SCARB1: variants seen among roughly 807,000 people sequenced by gnomAD.
SCARB1 encodes CD36 and LIMPII analogous 1.
Under a neutral mutation model 57.2 loss-of-function variants are expected in SCARB1, and 30 were observed. The observed-to-expected ratio is 0.52, with a 90% CI of 0.39 to 0.71. The LOEUF (loss-of-function observed/expected upper bound fraction) is 0.71, where lower values mean the gene tolerates loss of function less well. Ranked by LOEUF, SCARB1 falls within the 30% of genes least tolerant of loss-of-function variation. SCARB1 has a pLI of 0.00. For synonymous variants in SCARB1, 249 were observed against 268.3 expected, an observed-to-expected ratio of 0.93 and a Z score of 0.70; for missense variants, 543 against 671.2, an observed-to-expected ratio of 0.81 and a Z score of 2.11.
At position 124,814,031 on chromosome 12, in the gene SCARB1, C is replaced by T. The variant is rs1453312482; in HGVS notation, c.630+171G>A. ...GCATTTTCAGTTCTATGAGCCCCAA[C>T]ATTCCCCATTTCACTCAAGCCGGTT... is the stretch of plus-strand genomic sequence containing the variant. On this transcript the variant is annotated intron_variant, in intron 4 of 12. Coordinates refer to ENST00000261693, the MANE Select transcript of SCARB1 (RefSeq NM_005505.5). The surrounding 1 kb of genome is among the most constrained non-coding windows in gnomAD (Gnocchi z 4.7). Among the ~76,000 whole-genome samples the T allele has an allele frequency of 6.6e-6, 1 of 152,174 alleles. No individual in the cohort carries two copies. Among genetic ancestry groups the T allele is most frequent in the African/African-American group, 2.4e-5 (1 of 41,442 alleles).
intron 6 of SCARB1, among the ~76,000 whole-genome samples, chr12:124,809,121 T>C (rs1950430400): frequency 6.6e-6 from 1 of 152,042 alleles, no homozygotes; most frequent in South Asian, 2.1e-4. Flanking sequence ...CCACTGAGTA[T>C]TTGGAGGTAA....
intron 11 of SCARB1, chr12:124,784,367 A>G (rs549858773): frequency 2.6e-5 from 4 of 152,386 alleles, no homozygotes; most frequent in African/African-American, 7.2e-5. Context: ...GTTGGACCCA[A>G]TGGTCATTGT....
chr12:124,840,819 G>C (rs149715674), intron 1 of SCARB1, among the ~76,000 whole-genome samples: 14 of 151,886 alleles, frequency 9.2e-5, no homozygotes, highest in Admixed American at 9.2e-4. Flanking sequence ...CTGCCTCCCC[G>C]CTTCCAGCCT....
intron 1 of SCARB1, among the ~76,000 whole-genome samples, chr12:124,825,085 C>A (rs552519578): frequency 6.6e-6 from 1 of 151,844 alleles, no homozygotes; most frequent in Non-Finnish European, 1.5e-5. Context: ...ATTAGCCAGG[C>A]GTGGTGGCAG....
At chr12:124,795,723 T>G (rs568201322) in intron 8 of SCARB1, among the ~76,000 whole-genome samples, 2 of 152,280 alleles carry the variant, frequency 1.3e-5, no homozygotes, top group Admixed American at 6.5e-5. Context: ...TCCTGATCAT[T>G]TTGAAGAGTA....
In SCARB1 at chr12:124,817,020, A is replaced by ATGTGTGTG. The variant is rs71092225; in HGVS notation, c.284+522_284+529dup. 1.4e-5 allele frequency among the ~76,000 whole-genome samples: 2 copies of ATGTGTGTG among 146,060 alleles called. No homozygotes were observed. Among genetic ancestry groups the ATGTGTGTG allele is most frequent in the Admixed American group, 6.8e-5 (1 of 14,698 alleles). On this transcript the variant is annotated intron_variant, in intron 2 of 12. Coordinates refer to ENST00000261693, the MANE Select transcript of SCARB1 (RefSeq NM_005505.5). This position sits in a 1 kb window ranked among gnomAD's most constrained non-coding sequence, Gnocchi z 4.8. ...GGTCGGTCCCTGCTCCTGGTCATGC[A>ATGTGTGTG]TGTGTGTGTGTGTGTGTGTGTGTGT...
chr12:124,831,315 A>G (rs957733767), intron 1 of SCARB1, among the ~76,000 whole-genome samples: 2 of 151,764 alleles, frequency 1.3e-5, no homozygotes, highest in East Asian at 3.9e-4. Flanking sequence ...GGGTTTTACC[A>G]TGTCGGCCAG....
At chr12:124,799,905 G>C (rs1439970820) in intron 8 of SCARB1, among the ~76,000 whole-genome samples, 1 of 152,222 alleles carries the variant, frequency 6.6e-6, no homozygotes, top group African/African-American at 2.4e-5. Flanking sequence ...CTGTCTTAGA[G>C]CCCATTTATA....
Position 124,814,377 on chromosome 12 carries a change from G to A in SCARB1, c.455C>T (p.Pro152Leu), listed in dbSNP as rs570186770. 8.7e-6 allele frequency: 14 copies of A among 1,613,934 alleles called. No homozygotes were observed. The highest frequency in any genetic ancestry group is 3.3e-5 in the Admixed American group (2 of 60,018). Reference sequence around the variant, plus strand: ...GGTCATGATGAGCTTCAGGGTCATGGGCTTATTCTCCATCATCACCGCCGC... The same window carrying A: ...GGTCATGATGAGCTTCAGGGTCATGAGCTTATTCTCCATCATCACCGCCGC... ...LGAAVMMENK[P>L]MTLKLIMTLA... Residue 152 changes from proline to leucine, a missense_variant, in exon 4 of 13, where the codon CCC becomes CTC. Pro to Leu is a moderately conservative substitution (Grantham distance 98). Coordinates refer to ENST00000261693, the MANE Select transcript of SCARB1 (RefSeq NM_005505.5). This position sits in a 1 kb window ranked among gnomAD's most constrained non-coding sequence, Gnocchi z 4.7.
At position 124,778,523 on chromosome 12, in the gene SCARB1, A is replaced by G. The variant is rs911115138; in HGVS notation, c.*64T>C. ...GGAGAGTCCGGGAGAAGCGGGGTGTAGGGGCTGGGGGGCCGGTCAGGCCCA... is the reference window on the plus strand; with the variant it reads ...GGAGAGTCCGGGAGAAGCGGGGTGTGGGGGCTGGGGGGCCGGTCAGGCCCA... On this transcript the variant is annotated 3_prime_UTR_variant, in exon 13 of 13. Coordinates refer to ENST00000261693, the MANE Select transcript of SCARB1 (RefSeq NM_005505.5). 4.6e-6 allele frequency: 6 copies of G among 1,302,522 alleles called. No individual in the cohort carries two copies. The highest frequency in any genetic ancestry group is 2.5e-4 in the Middle Eastern group (1 of 4,014). The allele number at this position is 1,302,522 out of a possible 1,614,324, so 80.7% of individuals were successfully genotyped here.
chr12:124,856,677 GC>G (rs1412756765), intron 1 of SCARB1, among the ~76,000 whole-genome samples: 4 of 152,226 alleles, frequency 2.6e-5, no homozygotes, highest in Non-Finnish European at 5.9e-5. Context: ...CTAGGGCTTT[GC>G]CCCACATGTC....
chr12:124,780,214 T>C (rs1277264935), intron 12 of SCARB1, among the ~76,000 whole-genome samples: 1 of 152,138 alleles, frequency 6.6e-6, no homozygotes, highest in East Asian at 1.9e-4. Flanking sequence ...AACATATCCC[T>C]GAAGGGCCAC....
chr12:124,794,737 C>A (rs538099132), intron 9 of SCARB1, among the ~76,000 whole-genome samples: 1 of 152,140 alleles, frequency 6.6e-6, no homozygotes, highest in African/African-American at 2.4e-5. Context: ...TTGAGACCAG[C>A]CTGACCAACA....
intron 1 of SCARB1, among the ~76,000 whole-genome samples, chr12:124,858,119 C>T (rs1952715631): frequency 6.6e-6 from 1 of 152,218 alleles, no homozygotes; most frequent in African/African-American, 2.4e-5. Context: ...ATTCTCATGG[C>T]ATCTGCCTCT....
rs780772561 is a variant in SCARB1 at position 124,815,067 on chromosome 12, A to G, written c.332T>C (p.Val111Ala). ...SNITFNNNDTVSFLEYRTFQF... is the reference protein window; with the variant it reads ...SNITFNNNDTASFLEYRTFQF... ...GAAGGTGCGGTACTCGAGGAAGGAC[A>G]CGGTGTCGTTGTTGTTGAAGGTGAT... The change falls in exon 3 of 13, where the codon GTG becomes GCG. Residue 111 changes from valine (V) to alanine (A), a missense_variant. Physicochemically the swap from Val to Ala is moderately conservative, Grantham distance 64 (BLOSUM62 0). Coordinates refer to ENST00000261693, the MANE Select transcript of SCARB1 (RefSeq NM_005505.5). 6 of 1,614,050 alleles carry G rather than the reference A, an allele frequency of 3.7e-6. No homozygotes were observed. Among genetic ancestry groups the G allele is most frequent in the African/African-American group, 2.7e-5 (2 of 74,944 alleles).
Position 124,782,950 on chromosome 12 carries a change from C to G in SCARB1, c.1402-139G>C, listed in dbSNP as rs1229183036. On this transcript the variant is annotated intron_variant, in intron 11 of 12. Transcript: ENST00000261693. ...AGAGTCCAACAACCCTCAACGATTG[C>G]AGGTGGCTGAGATGTGGGGAGCTGC... The G allele has an allele frequency of 3.6e-6, 3 of 838,778 alleles. No homozygotes were observed. The African/African-American group carries it at 5.1e-5, about 14-fold the overall frequency. The allele number at this position is 838,778 out of a possible 1,614,324, so 52.0% of individuals were successfully genotyped here.
chr12:124,852,923 C>T (rs1266389093), intron 1 of SCARB1, among the ~76,000 whole-genome samples: 1 of 151,998 alleles, frequency 6.6e-6, no homozygotes, highest in Admixed American at 6.6e-5. Flanking sequence ...GCCTGTAATC[C>T]CAGCTACTCA....
At chr12:124,856,781 G>A (rs1456408798) in intron 1 of SCARB1, among the ~76,000 whole-genome samples, 2 of 152,220 alleles carry the variant, frequency 1.3e-5, no homozygotes, top group South Asian at 2.1e-4. Flanking sequence ...GGCGCAGAGC[G>A]GGCGGCCCCT....
chr12:124,814,949 G>A lies in SCARB1; in HGVS notation c.426+24C>T. On this transcript the variant is annotated intron_variant, in intron 3 of 12. Transcript: ENST00000261693. This position sits in a 1 kb window ranked among gnomAD's most constrained non-coding sequence, Gnocchi z 4.7. ...GGGGACGAGGTCAGGGTGCGAGGCGGCGTGGGCCACAGGGCAGCCTCACCA... is the reference window on the plus strand; with the variant it reads ...GGGGACGAGGTCAGGGTGCGAGGCGACGTGGGCCACAGGGCAGCCTCACCA... 1 of 1,613,964 alleles carries A rather than the reference G, an allele frequency of 6.2e-7. No individual in the cohort carries two copies.
Sources: gnomAD v4.1 joint callset for allele counts (sites outside exome capture counted in the v4.1 genomes callset) on GRCh38, gnomAD v4.1.1 for gene constraint, Gnocchi (gnomAD v3.1) non-coding constraint, MANE v1.5 for transcripts, NCBI Gene and HGNC (gene_info 2026-07-23, HGNC 2026-07-21) for gene names.